The following DCAF8L2 variants were observed in gnomAD, a reference collection of about 807,000 sequenced individuals.
The protein encoded by DCAF8L2 is DDB1- and CUL4-associated factor 8-like protein 2.
For missense variants in DCAF8L2, 430 were observed against 490.7 expected (o/e 0.88, Z 1.17); for synonymous variants, 200 against 190.9 (o/e 1.05, Z -0.39).
chrX:27,636,858 G>A (rs971389234), intron 2 of DCAF8L2, among the ~76,000 whole-genome samples: 3 of 112,024 alleles, frequency 2.7e-5, no homozygotes, highest in Non-Finnish European at 5.6e-5. Context: ...ATAGCTAGAT[G>A]CAGAAAAGCA....
intron 4 of DCAF8L2, among the ~76,000 whole-genome samples, chrX:27,722,359 T>C (rs1931927761): frequency 8.9e-6 from 1 of 111,735 alleles, no homozygotes; most frequent in East Asian, 2.8e-4. Context: ...TGAAAATGCA[T>C]TTAATAAACC....
At chrX:27,639,175 A>C (rs1449446753) in intron 2 of DCAF8L2, among the ~76,000 whole-genome samples, 1 of 112,003 alleles carries the variant, frequency 8.9e-6, no homozygotes, top group Non-Finnish European at 1.9e-5. Context: ...TAAGTGAAAT[A>C]AGCCAGGCAC....
chrX:27,660,400 A>T (rs948575554), intron 2 of DCAF8L2, among the ~76,000 whole-genome samples: 1 of 106,714 alleles, frequency 9.4e-6, no homozygotes, highest in Non-Finnish European at 1.9e-5. Context: ...ATAGAGAAGG[A>T]GGTTTTTGTG....
At chrX:27,585,187 A>G in the DCAF8L2 span, among the ~76,000 whole-genome samples, 1 of 111,258 alleles carries the variant, frequency 9.0e-6, no homozygotes, top group Non-Finnish European at 1.9e-5. Flanking sequence ...TTCATCGTCT[A>G]TGAAACTGCT....
chrX:27,689,002 G>C (rs1569182661), intron 3 of DCAF8L2, among the ~76,000 whole-genome samples: 1 of 111,717 alleles, frequency 9.0e-6, no homozygotes, highest in African/African-American at 3.3e-5. Flanking sequence ...AATGTGTTCA[G>C]TTTATTCCTG....
chrX:27,591,014 T>TATATATATATATAA lies in DCAF8L2; in HGVS notation c.-342+575_-342+576insTATATATATATAAA, dbSNP rs201564902. 1.2e-4 allele frequency among the ~76,000 whole-genome samples: 12 copies of TATATATATATATAA among 96,798 alleles called. No individual in the cohort carries two copies. In the East Asian group the frequency reaches 1.3e-3, roughly 10 times the overall value. The allele number at this position is 96,798 out of a possible 115,157, so 84.1% of individuals were successfully genotyped here. A position where few individuals can be genotyped will look rare whatever the true frequency, so the allele number is the denominator to read the frequency against. On this transcript the variant is annotated intron_variant, in intron 1 of 4. Transcript: ENST00000451261. ...TTTTATATATATATATATATATATA[T>TATATATATATATAA]AAATAAATAATTTGATAGGTTACAT...
At position 27,747,325 on chromosome X, in the gene DCAF8L2, G is replaced by GA. The variant is rs1182629646; in HGVS notation, c.431dup (p.Glu145GlyfsTer17). On this transcript the variant is annotated frameshift_variant, in exon 5 of 5. Coordinates refer to ENST00000451261, the MANE Select transcript of DCAF8L2 (RefSeq NM_001353450.2). LOFTEE classifies it low-confidence loss of function (END_TRUNC). ...GGAGGAGGAGGAGGAGGAGGAGGAG[G>GA]AGGAAGAAGAACAGCCTCGGGCGGG... 7 of 1,137,286 alleles carry GA rather than the reference G, an allele frequency of 6.2e-6. No individual in the cohort carries two copies. In the African/African-American group the frequency reaches 9.6e-5, roughly 16 times the overall value. The allele number at this position is 1,137,286 out of a possible 1,213,427, so 93.7% of individuals were successfully genotyped here.
chrX:27,545,326 G>T, the DCAF8L2 span, among the ~76,000 whole-genome samples: 2 of 111,731 alleles, frequency 1.8e-5, no homozygotes, highest in South Asian at 7.6e-4. Flanking sequence ...GAATAATAAT[G>T]GAAGCCAATT....
At chrX:27,527,970 A>C in the DCAF8L2 span, among the ~76,000 whole-genome samples, 1 of 107,698 alleles carries the variant, frequency 9.3e-6, no homozygotes, top group Non-Finnish European at 1.9e-5. Flanking sequence ...GGAATTATTA[A>C]ATTCCAATTT....
At chrX:27,471,845 T>C in the DCAF8L2 span, among the ~76,000 whole-genome samples, 1 of 112,024 alleles carries the variant, frequency 8.9e-6, no homozygotes, top group Admixed American at 9.5e-5. Flanking sequence ...CAGTGACTAT[T>C]ATGAATGAAT....
chrX:27,656,362 C>T (rs1226435807), intron 2 of DCAF8L2, among the ~76,000 whole-genome samples: 1 of 111,812 alleles, frequency 8.9e-6, no homozygotes, highest in Non-Finnish European at 1.9e-5. Context: ...GAGTTCTGTA[C>T]CTTACTAATG....
chrX:27,495,245 T>C, the DCAF8L2 span, among the ~76,000 whole-genome samples: 1 of 112,086 alleles, frequency 8.9e-6, no homozygotes, highest in East Asian at 2.8e-4. Context: ...ATGCACTCTG[T>C]ATTCTGTTGC....
At chrX:27,609,522 A>G (rs1033992899) in intron 1 of DCAF8L2, among the ~76,000 whole-genome samples, 1 of 111,232 alleles carries the variant, frequency 9.0e-6, no homozygotes, top group African/African-American at 3.3e-5. Context: ...CTGTGTGTCC[A>G]GGGCACGTTT....
chrX:27,566,188 G>C, the DCAF8L2 span, among the ~76,000 whole-genome samples: 1 of 109,481 alleles, frequency 9.1e-6, no homozygotes, highest in African/African-American at 3.3e-5. Flanking sequence ...GTATCCACTG[G>C]AGCCCACTGT....
the DCAF8L2 span, among the ~76,000 whole-genome samples, chrX:27,473,578 A>G: frequency 9.0e-6 from 1 of 111,300 alleles, no homozygotes; most frequent in African/African-American, 3.3e-5. Flanking sequence ...CCCAGGCCAA[A>G]CATATCTGAC....
Position 27,627,925 on chromosome X carries a change from TA to T in DCAF8L2, c.-341-3940del, listed in dbSNP as rs34205237. On this transcript the variant is annotated intron_variant, in intron 1 of 4. Coordinates refer to ENST00000451261, the MANE Select transcript of DCAF8L2 (RefSeq NM_001353450.2). Reference sequence around the variant, plus strand: ...TCTGGTGACAGAGCAAGACTCCATCTAAAAAAAAAAAAAACAATGAATACAT... The same window carrying T: ...TCTGGTGACAGAGCAAGACTCCATCTAAAAAAAAAAAAACAATGAATACAT... Among the ~76,000 whole-genome samples, 143 of 93,349 alleles carry T rather than the reference TA, an allele frequency of 1.5e-3. 4 individuals carry two copies. In the South Asian group the frequency reaches 0.04, roughly 26 times the overall value. The allele number at this position is 93,349 out of a possible 115,157, so 81.1% of individuals were successfully genotyped here. A position where few individuals can be genotyped will look rare whatever the true frequency, so the allele number is the denominator to read the frequency against.
At chrX:27,616,840 G>A (rs1297926918) in intron 1 of DCAF8L2, among the ~76,000 whole-genome samples, 1 of 111,413 alleles carries the variant, frequency 9.0e-6, no homozygotes, top group Non-Finnish European at 1.9e-5. Context: ...TGCCCAGAAA[G>A]TAGAGGAAGA....
intron 4 of DCAF8L2, among the ~76,000 whole-genome samples, chrX:27,732,792 C>G (rs1921291124): frequency 9.0e-6 from 1 of 111,131 alleles, no homozygotes; most frequent in Non-Finnish European, 1.9e-5. Context: ...TGAGGAATCT[C>G]CATACTATTT....
chrX:27,502,191 G>A, the DCAF8L2 span, among the ~76,000 whole-genome samples: 1 of 102,225 alleles, frequency 9.8e-6, no homozygotes, highest in East Asian at 3.2e-4. Context: ...CGTGGTGGCA[G>A]GCACCTGTAA....
Sources: allele counts gnomAD v4.1 joint callset (sites outside exome capture counted in the v4.1 genomes callset), GRCh38; gene constraint gnomAD v4.1.1; transcripts MANE v1.5; gene names NCBI Gene and HGNC (gene_info 2026-07-23, HGNC 2026-07-21).